AFF3: variants seen among roughly 807,000 people sequenced by gnomAD.
AFF3 encodes ALF transcription elongation factor 3.
A neutral mutation model predicts 129.7 loss-of-function variants in AFF3; 32 were observed. The ratio of observed to expected loss-of-function variants is 0.25; its 90% CI spans 0.19 to 0.33. AFF3 has a LOEUF of 0.33. Ranked by LOEUF, AFF3 falls within the 10% of genes least tolerant of loss-of-function variation. AFF3 has a pLI of 1.00. For missense variants in AFF3, 1,373 were observed against 1,592.0 expected (o/e 0.86, Z 2.34); for synonymous variants, 644 against 635.4 (o/e 1.01, Z -0.20).
At chr2:100,000,541 C>T (rs1313175219) in intron 7 of AFF3, among the ~76,000 whole-genome samples, 1 of 151,988 alleles carries the variant, frequency 6.6e-6, no homozygotes, top group Non-Finnish European at 1.5e-5. Context: ...CATACACAAA[C>T]ATAAAATCAC....
intron 7 of AFF3, among the ~76,000 whole-genome samples, chr2:99,869,392 C>T (rs1189760447): frequency 6.6e-6 from 1 of 150,832 alleles, no homozygotes; most frequent in African/African-American, 2.4e-5. Flanking sequence ...TTACTCAGCA[C>T]CTTCTATGCC....
chr2:100,006,323 C>A, intron 7 of AFF3: 1 of 235,176 alleles, frequency 4.3e-6, no homozygotes, highest in Non-Finnish European at 8.2e-6. Context: ...TTTATTTATA[C>A]CCTCAGTGAA....
intron 8 of AFF3, among the ~76,000 whole-genome samples, chr2:99,761,925 A>C (rs1682631908): frequency 6.6e-6 from 1 of 151,920 alleles, no homozygotes; most frequent in Non-Finnish European, 1.5e-5. Flanking sequence ...GCTTTTCTAT[A>C]CACTGTCTTC....
intron 8 of AFF3, among the ~76,000 whole-genome samples, chr2:99,799,882 T>C (rs1024870966): frequency 6.6e-6 from 1 of 152,142 alleles, no homozygotes; most frequent in African/African-American, 2.4e-5. Context: ...GGTACTGGAA[T>C]AACTGGATAC....
chr2:99,774,164 A>C (rs999056244), intron 8 of AFF3, among the ~76,000 whole-genome samples: 1 of 152,238 alleles, frequency 6.6e-6, no homozygotes, highest in African/African-American at 2.4e-5. Context: ...CACTGCCCAA[A>C]GCAATTTATA....
At chr2:100,137,242 T>C (rs1692674059) in intron 1 of AFF3, among the ~76,000 whole-genome samples, 1 of 152,198 alleles carries the variant, frequency 6.6e-6, no homozygotes, top group African/African-American at 2.4e-5. Flanking sequence ...TCATGGTGTT[T>C]CCCAAAGAAC....
At chr2:99,695,231 CGT>C (rs1676077519) in intron 11 of AFF3, among the ~76,000 whole-genome samples, 1 of 152,158 alleles carries the variant, frequency 6.6e-6, no homozygotes, top group South Asian at 2.1e-4. Context: ...TTGACAGCCG[CGT>C]GTGCCTGGTA....
chr2:99,634,527 A>G (rs1028492457), intron 13 of AFF3, among the ~76,000 whole-genome samples: 2 of 152,184 alleles, frequency 1.3e-5, no homozygotes, highest in African/African-American at 4.8e-5. Flanking sequence ...GGCAGGGTTC[A>G]CATTTTAAAA....
chr2:99,837,443 CA>C, intron 8 of AFF3, 33 bp downstream of exon 8: 2 of 1,598,582 alleles, frequency 1.3e-6, no homozygotes, highest in South Asian at 2.2e-5. Flanking sequence ...CTATGTCCCA[CA>C]GATTGATAAG....
chr2:100,099,712 C>T (rs1439988611), intron 4 of AFF3, among the ~76,000 whole-genome samples: 1 of 152,094 alleles, frequency 6.6e-6, no homozygotes, highest in Admixed American at 6.5e-5. Context: ...CTATTAAGTT[C>T]CCAAAAAACA....
At chr2:99,803,243 C>T (rs1466202284) in intron 8 of AFF3, among the ~76,000 whole-genome samples, 1 of 152,152 alleles carries the variant, frequency 6.6e-6, no homozygotes, top group Non-Finnish European at 1.5e-5. Flanking sequence ...TGATGTATCA[C>T]ATTTATTGAT....
intron 4 of AFF3, among the ~76,000 whole-genome samples, chr2:100,045,855 G>T (rs913537011): frequency 2.0e-5 from 3 of 151,998 alleles, no homozygotes; most frequent in African/African-American, 7.3e-5. Context: ...TATATTAACA[G>T]TACATATAAT....
chr2:99,756,849 G>A (rs182864109), intron 8 of AFF3, among the ~76,000 whole-genome samples: 104 of 152,258 alleles, frequency 6.8e-4, no homozygotes, highest in East Asian at 7.7e-4. Flanking sequence ...TATTGTGCAT[G>A]TGTGTGTGTA....
In AFF3 at chr2:99,601,610, T is replaced by G; in HGVS notation, c.1196A>C (p.Gln399Pro). Residue 399 changes from glutamine to proline, a missense_variant, in exon 14 of 25, where the codon CAG becomes CCG. Coordinates refer to ENST00000672756, the MANE Select transcript of AFF3 (RefSeq NM_001386135.1). ...LRALSDSAVV[Q>P]QPNCRTSVPS... ...CACCGAGGTTCTGCAGTTGGGCTGC[T>G]GGACCACGGCGCTGCCAGCCCGCGA... 6.3e-7 allele frequency: 1 copy of G among 1,595,422 alleles called. No individual in the cohort carries two copies. The highest frequency in any genetic ancestry group is 8.5e-7 in the Non-Finnish European group (1 of 1,176,182).
intron 12 of AFF3, among the ~76,000 whole-genome samples, chr2:99,654,326 C>T (rs2105680413): frequency 6.6e-6 from 1 of 152,098 alleles, no homozygotes; most frequent in East Asian, 1.9e-4. Context: ...GAGGAAAAAA[C>T]CCTTCATGGC....
intron 13 of AFF3, among the ~76,000 whole-genome samples, chr2:99,643,174 C>T (rs561720641): frequency 6.6e-6 from 1 of 151,510 alleles, no homozygotes; most frequent in Non-Finnish European, 1.5e-5. Context: ...ATTCTCCTGC[C>T]TCAGCCTCCT....
intron 4 of AFF3, among the ~76,000 whole-genome samples, chr2:100,018,032 G>GTGTA (rs372741359): frequency 0.14 from 20,746 of 149,814 alleles, 1,552 homozygotes; most frequent in East Asian, 0.27. Context: ...GTGTGTGTGT[G>GTGTA]TATATATATA....
Position 100,046,589 on chromosome 2 carries a change from T to C in AFF3, c.54-37657A>G, listed in dbSNP as rs144865042. ...CCATTTATAAAATGCAAGGGAAGGA[T>C]TCTATTTATGTCACAAGGTGCATCT... On this transcript the variant is annotated intron_variant, in intron 4 of 24. Coordinates refer to ENST00000672756, the MANE Select transcript of AFF3 (RefSeq NM_001386135.1). 4.9e-3 allele frequency among the ~76,000 whole-genome samples: 746 copies of C among 152,316 alleles called. 8 individuals carry two copies. Among genetic ancestry groups the C allele is most frequent in the Non-Finnish European group, 8.6e-3 (587 of 68,034 alleles).
At chr2:99,932,342 T>C (rs1320211968) in intron 7 of AFF3, among the ~76,000 whole-genome samples, 3 of 152,232 alleles carry the variant, frequency 2.0e-5, no homozygotes, top group African/African-American at 7.2e-5. Flanking sequence ...GTGTGGCTCA[T>C]TCTGCTCATC....
Sources: gnomAD v4.1 joint callset for allele counts (sites outside exome capture counted in the v4.1 genomes callset) on GRCh38, gnomAD v4.1.1 for gene constraint, MANE v1.5 for transcripts, NCBI Gene and HGNC (gene_info 2026-07-23, HGNC 2026-07-21) for gene names.